The following LRIG3 variants were observed in gnomAD, a reference collection of about 807,000 sequenced individuals.
The protein encoded by LRIG3 is leucine-rich repeats and immunoglobulin-like domains protein 3.
Under a neutral mutation model 114.5 loss-of-function variants are expected in LRIG3, and 76 were observed. That is an observed-to-expected ratio of 0.66 (90% confidence interval 0.55 to 0.80). LRIG3 has a LOEUF of 0.80. Ranked by LOEUF, LRIG3 falls within the 30% of genes least tolerant of loss-of-function variation. LRIG3 has a pLI of 0.00. For synonymous variants in LRIG3, 512 were observed against 519.8 expected (o/e 0.98, Z 0.20); for missense variants, 1,239 against 1,382.8 (o/e 0.90, Z 1.65).
intron 3 of LRIG3, among the ~76,000 whole-genome samples, chr12:58,908,994 C>T (rs1047412600): frequency 6.6e-6 from 1 of 152,146 alleles, no homozygotes; most frequent in Non-Finnish European, 1.5e-5. Flanking sequence ...TGTGGCAGGG[C>T]AGGCTCAGCA....
At chr12:58,894,140 C>T (rs139662815) in intron 3 of LRIG3, among the ~76,000 whole-genome samples, 2 of 152,246 alleles carry the variant, frequency 1.3e-5, no homozygotes, top group East Asian at 3.9e-4. Flanking sequence ...ATTTTCCTTG[C>T]AGTAAAAGTA....
chr12:58,889,067 T>C (rs990543086), intron 5 of LRIG3, 105 bp from the exon 6 acceptor site: 30 of 1,057,674 alleles, frequency 2.8e-5, no homozygotes, highest in Middle Eastern at 2.3e-4. Context: ...AGTGTTCAAT[T>C]ACATACAGTG....
intron 3 of LRIG3, among the ~76,000 whole-genome samples, chr12:58,892,943 G>A (rs1303113061): frequency 3.3e-5 from 5 of 152,278 alleles, no homozygotes; most frequent in South Asian, 2.1e-4. Context: ...TGAAAAGGCC[G>A]CTACTTCCCA....
At chr12:58,900,631 A>AT (rs1258172493) in intron 3 of LRIG3, among the ~76,000 whole-genome samples, 1 of 152,170 alleles carries the variant, frequency 6.6e-6, no homozygotes, top group Non-Finnish European at 1.5e-5. Flanking sequence ...AGATTTGTGT[A>AT]TTTTTTAAAA....
intron 7 of LRIG3, 24 bp downstream of exon 7, chr12:58,888,305 G>A (rs773463769): frequency 1.9e-6 from 3 of 1,607,456 alleles, no homozygotes; most frequent in South Asian, 1.1e-5. Context: ...CAAACCTGAG[G>A]AGAATAAATA....
chr12:58,888,209 A>G (rs1014821230), intron 7 of LRIG3, 120 bp downstream of exon 7: 2 of 1,259,462 alleles, frequency 1.6e-6, no homozygotes, highest in Non-Finnish European at 2.1e-6. Context: ...GTTGCATGTG[A>G]AAAAAGCTGT....
intron 3 of LRIG3, among the ~76,000 whole-genome samples, chr12:58,895,764 G>T (rs138434418): frequency 6.6e-6 from 1 of 152,180 alleles, no homozygotes; most frequent in Non-Finnish European, 1.5e-5. Context: ...AGGCGCAAGG[G>T]CACCAATCGG....
chr12:58,906,238 GACC>G (rs1221174589), intron 3 of LRIG3, among the ~76,000 whole-genome samples: 1 of 152,078 alleles, frequency 6.6e-6, no homozygotes, highest in African/African-American at 2.4e-5. Context: ...AAAAACTGAT[GACC>G]ACTTTTCAAA....
chr12:58,873,938 G>A (rs746693363), intron 18 of LRIG3, 117 bp downstream of exon 18: 4 of 1,193,224 alleles, frequency 3.4e-6, no homozygotes, highest in East Asian at 2.3e-5. Flanking sequence ...TGTCATGGCA[G>A]CCTCATTCAA....
At chr12:58,918,260 T>A (rs952484921) in intron 1 of LRIG3, among the ~76,000 whole-genome samples, 5 of 152,242 alleles carry the variant, frequency 3.3e-5, no homozygotes, top group Non-Finnish European at 7.3e-5. Flanking sequence ...GCTAACCAAA[T>A]AAACTCTAAT....
At chr12:58,916,314 A>C (rs1442338352) in intron 1 of LRIG3, among the ~76,000 whole-genome samples, 2 of 152,192 alleles carry the variant, frequency 1.3e-5, no homozygotes, top group African/African-American at 4.8e-5. Flanking sequence ...TTATTGCAAC[A>C]CATTTCCATT....
intron 5 of LRIG3, among the ~76,000 whole-genome samples, chr12:58,889,761 G>A (rs11172798): frequency 0.038 from 5,724 of 151,944 alleles, 361 homozygotes; most frequent in African/African-American, 0.13. Flanking sequence ...TGATTACACT[G>A]TTCACTCTTT....
At chr12:58,886,999 T>C (rs1042065055) in intron 8 of LRIG3, 109 bp from the exon 9 acceptor site, 2 of 667,046 alleles carry the variant, frequency 3.0e-6, no homozygotes, top group South Asian at 2.0e-5. Context: ...CCCCACATTA[T>C]CTCCACCTCT....
intron 3 of LRIG3, among the ~76,000 whole-genome samples, chr12:58,899,473 C>G (rs1871764408): frequency 6.6e-6 from 1 of 151,932 alleles, no homozygotes; most frequent in South Asian, 2.1e-4. Context: ...TTTCAACTTT[C>G]TCCCAACATT....
Sources: allele counts gnomAD v4.1 joint callset (sites outside exome capture counted in the v4.1 genomes callset), GRCh38; gene constraint gnomAD v4.1.1; transcripts MANE v1.5; gene names NCBI Gene and HGNC (gene_info 2026-07-23, HGNC 2026-07-21).